TP63: variants seen among roughly 807,000 people sequenced by gnomAD.
TP63 encodes tumor protein 63.
TP63 carries 17 observed loss-of-function variants against 82.8 expected under a neutral mutation model. The ratio of observed to expected loss-of-function variants is 0.21; its 90% confidence interval spans 0.14 to 0.31. The LOEUF is 0.31. Ranked by LOEUF, TP63 falls within the 10% of genes least tolerant of loss-of-function variation. The probability of loss-of-function intolerance (pLI) is 1.00; values close to 1 mark genes in which losing one functional copy is unlikely to be tolerated. For synonymous variants in TP63, 330 were observed against 321.7 expected (o/e 1.03, Z -0.28); for missense variants, 648 against 895.3 (o/e 0.72, Z 3.52).
At chr3:189,882,825 C>T (rs992460237) in intron 10 of TP63, among the ~76,000 whole-genome samples, 2 of 152,128 alleles carry the variant, frequency 1.3e-5, no homozygotes, top group Admixed American at 6.6e-5. Flanking sequence ...TTTTATTCTT[C>T]GGAAACTGTG....
intron 3 of TP63, among the ~76,000 whole-genome samples, chr3:189,759,620 G>A (rs1560163175): frequency 3.3e-5 from 5 of 152,094 alleles, no homozygotes; most frequent in South Asian, 2.1e-4. Context: ...AAGGGCTCAC[G>A]GGTCATAGGT....
At chr3:189,845,744 G>A (rs937038673) in intron 4 of TP63, among the ~76,000 whole-genome samples, 6 of 148,574 alleles carry the variant, frequency 4.0e-5, no homozygotes, top group Non-Finnish European at 8.9e-5. Context: ...TCCTTGAAGA[G>A]GGATTGAGAA....
chr3:189,674,504 C>T (rs1047716331), intron 1 of TP63, among the ~76,000 whole-genome samples: 1 of 152,136 alleles, frequency 6.6e-6, no homozygotes, highest in Non-Finnish European at 1.5e-5. Context: ...ATCGAGGTTA[C>T]ACTGTGGGCA....
chr3:189,782,962 T>A (rs1724338276), intron 3 of TP63, among the ~76,000 whole-genome samples: 2 of 152,112 alleles, frequency 1.3e-5, no homozygotes, highest in Admixed American at 6.6e-5. Context: ...ACAGGTATAC[T>A]GTTTGGAAAT....
intron 3 of TP63, among the ~76,000 whole-genome samples, chr3:189,768,295 A>G (rs1176261888): frequency 6.6e-6 from 1 of 152,148 alleles, no homozygotes; most frequent in Non-Finnish European, 1.5e-5. Context: ...TAGGTCAGTC[A>G]TTGAACACAA....
At chr3:189,621,079 G>A in the TP63 span, among the ~76,000 whole-genome samples, 1 of 152,128 alleles carries the variant, frequency 6.6e-6, no homozygotes, top group African/African-American at 2.4e-5. Context: ...AGCTTCTCCA[G>A]GAAAGTATTT....
intron 10 of TP63, 35 bp from the exon 11 acceptor site, chr3:189,886,359 C>T (rs756109083): frequency 2.7e-5 from 43 of 1,608,014 alleles, no homozygotes; most frequent in Middle Eastern, 1.6e-4. Flanking sequence ...TTCAGTGTCC[C>T]TTGCTCACCA....
At position 189,875,593 on chromosome 3, in the gene TP63, CATATATATATATATATATATATATATAT is replaced by C. The variant is rs774764336; in HGVS notation, c.1349+2616_1349+2643del. On this transcript the variant is annotated intron_variant, in intron 10 of 13. Transcript: ENST00000264731. ...AAAGAAAAAGAAAAAAAAATACATA[CATATATATATATATATATATATATATAT>C]ATATATATATATATATAAACTATTC... 9.8e-4 allele frequency among the ~76,000 whole-genome samples: 40 copies of C among 40,762 alleles called. No individual in the cohort carries two copies. The East Asian group carries it at 0.015, about 16-fold the overall frequency. 26.7% of individuals were successfully genotyped at this position (40,762 alleles called of 152,430 possible).
At chr3:189,661,278 T>C (rs1713858154) in intron 1 of TP63, among the ~76,000 whole-genome samples, 1 of 152,130 alleles carries the variant, frequency 6.6e-6, no homozygotes, top group Admixed American at 6.6e-5. Flanking sequence ...GATTTTATCA[T>C]GATGGGGTGT....
chr3:189,887,689 T>G (rs1720597611), intron 11 of TP63, among the ~76,000 whole-genome samples: 1 of 152,174 alleles, frequency 6.6e-6, no homozygotes, highest in Admixed American at 6.5e-5. Flanking sequence ...GGGTATCATA[T>G]AATCCTTACT....
At chr3:189,711,064 T>C (rs146769079) in intron 1 of TP63, among the ~76,000 whole-genome samples, 1 of 152,302 alleles carries the variant, frequency 6.6e-6, no homozygotes, top group African/African-American at 2.4e-5. Context: ...TATAGACACA[T>C]TGGTTACAGT....
chr3:189,856,061 A>G (rs1331040547), intron 4 of TP63, among the ~76,000 whole-genome samples: 3 of 151,876 alleles, frequency 2.0e-5, no homozygotes, highest in Non-Finnish European at 4.4e-5. Context: ...GCTATAGAAG[A>G]TATTTTTTCA....
At chr3:189,717,082 G>C (rs1299560717) in intron 1 of TP63, among the ~76,000 whole-genome samples, 1 of 152,258 alleles carries the variant, frequency 6.6e-6, no homozygotes, top group Non-Finnish European at 1.5e-5. Flanking sequence ...ACAGGAGTGA[G>C]TCACTGCACC....
At chr3:189,813,083 C>T (rs1251263483) in intron 4 of TP63, among the ~76,000 whole-genome samples, 1 of 152,134 alleles carries the variant, frequency 6.6e-6, no homozygotes, top group African/African-American at 2.4e-5. Context: ...GAGGCCCTTT[C>T]CAGATTTAAG....
chr3:189,875,428 A>T (rs28672730), intron 10 of TP63, among the ~76,000 whole-genome samples: 82,018 of 149,762 alleles, frequency 0.55, 23,027 homozygotes, highest in Middle Eastern at 0.7. Context: ...TAGCTGGGCA[A>T]GGTGGCACGC....
intron 1 of TP63, among the ~76,000 whole-genome samples, chr3:189,660,989 C>T (rs914132035): frequency 9.2e-5 from 14 of 152,008 alleles, no homozygotes; most frequent in Admixed American, 2.0e-4. Flanking sequence ...TGGAGTCTTT[C>T]GGGTTTTCTA....
chr3:189,698,384 T>C (rs948843405), intron 1 of TP63, among the ~76,000 whole-genome samples: 2 of 152,174 alleles, frequency 1.3e-5, no homozygotes, highest in African/African-American at 4.8e-5. Context: ...ACTCATTTAC[T>C]CCTTCCTTTC....
chr3:189,607,325 G>T, the TP63 span, among the ~76,000 whole-genome samples: 1 of 152,136 alleles, frequency 6.6e-6, no homozygotes, highest in African/African-American at 2.4e-5. Context: ...ATTGACAAGC[G>T]TGTCATAGAA....
intron 1 of TP63, among the ~76,000 whole-genome samples, chr3:189,640,854 C>G (rs750994672): frequency 3.3e-5 from 5 of 152,164 alleles, no homozygotes; most frequent in Non-Finnish European, 7.4e-5. Context: ...AAAACAAGTC[C>G]AAGCTTTGCT....
Sources: allele counts gnomAD v4.1 joint callset (sites outside exome capture counted in the v4.1 genomes callset), GRCh38; gene constraint gnomAD v4.1.1; transcripts MANE v1.5; gene names NCBI Gene and HGNC (gene_info 2026-07-23, HGNC 2026-07-21).